RNF122: variants seen among roughly 807,000 people sequenced by gnomAD.
RNF122 encodes the protein ring finger protein 122.
Under a neutral mutation model 24.2 loss-of-function variants are expected in RNF122, and 17 were observed. The observed-to-expected ratio is 0.70, with a 90% CI of 0.48 to 1.06. The LOEUF is 1.06. Ranked by LOEUF, RNF122 falls within the 50% of genes least tolerant of loss-of-function variation. RNF122 has a pLI of 0.00. For missense variants in RNF122, 168 were observed against 198.1 expected, an observed-to-expected ratio of 0.85 and a Z score of 0.91; for synonymous variants, 65 against 71.8, an observed-to-expected ratio of 0.91 and a Z score of 0.48.
At chr8:33,563,437 G>A (rs1810571244) in intron 1 of RNF122, among the ~76,000 whole-genome samples, 1 of 152,156 alleles carries the variant, frequency 6.6e-6, no homozygotes, top group African/African-American at 2.4e-5. Context: ...AGAAGTTCTT[G>A]TTGTGAAAGA....
rs543468973 is a variant in RNF122, at chr8:33,567,102, T to C, written c.-379A>G. On this transcript the variant is annotated 5_prime_UTR_variant, in exon 1 of 6. Coordinates refer to ENST00000256257, the MANE Select transcript of RNF122 (RefSeq NM_024787.3). ...CGGATCGGGTTCAGCGGCGCAGAGGTGAGCTGGCTGGGGTTCCGAAACTGA... is the reference window on the plus strand; with the variant it reads ...CGGATCGGGTTCAGCGGCGCAGAGGCGAGCTGGCTGGGGTTCCGAAACTGA... 46 of 295,388 alleles carry C rather than the reference T, an allele frequency of 1.6e-4. No individual in the cohort carries two copies. The highest frequency in any genetic ancestry group is 1.0e-4 in the Non-Finnish European group (16 of 153,110). 18.3% of individuals were successfully genotyped at this position (295,388 alleles called of 1,614,324 possible).
chr8:33,549,384 G>T, intron 5 of RNF122, 26 bp downstream of exon 5: 1 of 1,588,166 alleles, frequency 6.3e-7, no homozygotes, highest in Non-Finnish European at 8.6e-7. Context: ...TCCTTCGACG[G>T]GCACCCTGGA....
chr8:33,560,541 GTTC>G (rs1563370378), intron 1 of RNF122, among the ~76,000 whole-genome samples: 1 of 151,448 alleles, frequency 6.6e-6, no homozygotes, highest in African/African-American at 2.4e-5. Context: ...CACCCGGCAG[GTTC>G]TTTTTTTCCT....
At chr8:33,559,000 T>G (rs1005766403) in intron 1 of RNF122, among the ~76,000 whole-genome samples, 2 of 152,126 alleles carry the variant, frequency 1.3e-5, no homozygotes, top group Admixed American at 6.6e-5. Context: ...TATCCCCATC[T>G]AAGGGACAAT....
intron 2 of RNF122, among the ~76,000 whole-genome samples, chr8:33,554,571 G>T (rs1411824403): frequency 6.6e-6 from 1 of 152,176 alleles, no homozygotes; most frequent in Non-Finnish European, 1.5e-5. Context: ...CGAAAAGCTT[G>T]CAAGGAAACC....
rs770417238 is a variant in RNF122, at chr8:33,548,507, C to T, written c.*246G>A. The T allele has an allele frequency of 7.1e-6, 3 of 421,562 alleles. No individual in the cohort carries two copies. The highest frequency in any genetic ancestry group is 5.9e-5 in the African/African-American group (3 of 50,480). 26.1% of individuals were successfully genotyped at this position (421,562 alleles called of 1,614,324 possible). On this transcript the variant is annotated 3_prime_UTR_variant, in exon 6 of 6. Transcript: ENST00000256257. ...AGGTAGATAGTCCAGTACCAGGAGA[C>T]AGTGGTCTTGATGGGTGAGGCCACC... is the stretch of plus-strand genomic sequence containing the variant.
chr8:33,566,929 A>C lies in RNF122; in HGVS notation c.-206T>G. ...GCCCAACAAAGAGGGACGAGGAGGA[A>C]ACAAACAAAGTCCCGCGGAGCACAG... On this transcript the variant is annotated 5_prime_UTR_variant, in exon 1 of 6. Coordinates refer to ENST00000256257, the MANE Select transcript of RNF122 (RefSeq NM_024787.3). 2 of 612,846 alleles carry C rather than the reference A, an allele frequency of 3.3e-6. No homozygotes were observed. The highest frequency in any genetic ancestry group is 2.9e-6 in the Non-Finnish European group (1 of 342,742). 38.0% of individuals were successfully genotyped at this position (612,846 alleles called of 1,614,324 possible). A position where few individuals can be genotyped will look rare whatever the true frequency, so the allele number is the denominator to read the frequency against.
chr8:33,564,501 A>T (rs1301897897), intron 1 of RNF122, among the ~76,000 whole-genome samples: 1 of 152,104 alleles, frequency 6.6e-6, no homozygotes, highest in African/African-American at 2.4e-5. Flanking sequence ...TCAGCCTGGG[A>T]GTTGGAGGCC....
intron 2 of RNF122, 25 bp from the exon 3 acceptor site, chr8:33,551,414 A>G (rs772201217): frequency 1.2e-6 from 2 of 1,613,534 alleles, no homozygotes; most frequent in African/African-American, 2.7e-5. Flanking sequence ...AAAAAATTAG[A>G]GAAAGCAGGT....
chr8:33,562,538 C>CA (rs33948081), intron 1 of RNF122, among the ~76,000 whole-genome samples: 79,891 of 130,762 alleles, frequency 0.61, 24,073 homozygotes, highest in African/African-American at 0.78. Flanking sequence ...GACCTTGTCT[C>CA]AAAAAAAAAA....
At chr8:33,556,701 G>A (rs985415070) in intron 2 of RNF122, among the ~76,000 whole-genome samples, 5 of 152,166 alleles carry the variant, frequency 3.3e-5, no homozygotes, top group Admixed American at 3.3e-4. Flanking sequence ...GAAGAGAGGA[G>A]AGATACCAGA....
Position 33,566,807 on chromosome 8 carries a change from G to T in RNF122, c.-84C>A. 6.7e-7 allele frequency: 1 copy of T among 1,487,708 alleles called. No homozygotes were observed. The highest frequency in any genetic ancestry group is 1.2e-5 in the South Asian group (1 of 83,350). The allele number at this position is 1,487,708 out of a possible 1,614,324, so 92.2% of individuals were successfully genotyped here. ...CGGGGTGGGAGCACTAGCGGCGTGAGGGGCCGCAGGCGGGGTCGGGGCAGC... is the reference window on the plus strand; with the variant it reads ...CGGGGTGGGAGCACTAGCGGCGTGATGGGCCGCAGGCGGGGTCGGGGCAGC... On this transcript the variant is annotated 5_prime_UTR_variant, in exon 1 of 6. Coordinates refer to ENST00000256257, the MANE Select transcript of RNF122 (RefSeq NM_024787.3).
At position 33,564,894 on chromosome 8, in the gene RNF122, T is replaced by TA. The variant is rs984583462; in HGVS notation, c.25+1804dup. 3.3e-5 allele frequency among the ~76,000 whole-genome samples: 5 copies of TA among 151,160 alleles called. 1 individual carries two copies. The highest frequency in any genetic ancestry group is 2.6e-4 in the Admixed American group (4 of 15,168). On this transcript the variant is annotated intron_variant, in intron 1 of 5. Coordinates refer to ENST00000256257, the MANE Select transcript of RNF122 (RefSeq NM_024787.3). ...TCTCAAAAAAATAAAAAATAAAAAA[T>TA]AAAAAAAATAAAGCAGCAAGTCTAA... is the stretch of plus-strand genomic sequence containing the variant.
intron 2 of RNF122, among the ~76,000 whole-genome samples, chr8:33,555,504 T>C (rs188604514): frequency 2.7e-4 from 41 of 152,320 alleles, no homozygotes; most frequent in Admixed American, 8.5e-4. Context: ...CGCCCAGCCC[T>C]GTTCTGTTCT....
chr8:33,558,060 T>C (rs1323821157), intron 2 of RNF122, among the ~76,000 whole-genome samples: 1 of 152,012 alleles, frequency 6.6e-6, no homozygotes, highest in African/African-American at 2.4e-5. Context: ...GGAGAATTGC[T>C]TGAACCCAGG....
intron 1 of RNF122, among the ~76,000 whole-genome samples, chr8:33,561,761 T>G (rs1358355227): frequency 1.3e-5 from 2 of 152,252 alleles, no homozygotes; most frequent in East Asian, 3.9e-4. Context: ...CAGTCTGGTC[T>G]TGAACACCTG....
rs753198887 is a variant in RNF122, at chr8:33,548,754, C to G, written c.467G>C (p.Ter156SerextTer31). The G allele has an allele frequency of 1.9e-5, 31 of 1,599,220 alleles. No homozygotes were observed. The highest frequency in any genetic ancestry group is 2.7e-5 in the Non-Finnish European group (31 of 1,166,654). The change falls in exon 6 of 6, where the codon TGA becomes TCA. Residue 156 changes from the stop codon to serine (S), a stop_lost. Coordinates refer to ENST00000256257, the MANE Select transcript of RNF122 (RefSeq NM_024787.3). ...CAGGTCTCGGTGTAGCGGCAGCACT[C>G]ACACCAGCTCATCCAATAGAATCCC... is the stretch of plus-strand genomic sequence containing the variant. ...NIGILLDELV[*>S] is the part of the protein sequence containing the mutation.
chr8:33,554,109 C>T (rs1225670775), intron 2 of RNF122, among the ~76,000 whole-genome samples: 4 of 152,206 alleles, frequency 2.6e-5, no homozygotes, highest in African/African-American at 4.8e-5. Context: ...ACATACCCAA[C>T]GCTTAGGTGG....
chr8:33,556,178 T>TC (rs1585359051), intron 2 of RNF122, among the ~76,000 whole-genome samples: 2 of 62,156 alleles, frequency 3.2e-5, no homozygotes, highest in East Asian at 8.5e-4. Context: ...AGACCCTGTC[T>TC]CAAAAAAAAA....
Sources: allele counts gnomAD v4.1 joint callset (sites outside exome capture counted in the v4.1 genomes callset), GRCh38; gene constraint gnomAD v4.1.1; transcripts MANE v1.5; gene names NCBI Gene and HGNC (gene_info 2026-07-23, HGNC 2026-07-21).